RCC1: variants seen among roughly 807,000 people sequenced by gnomAD.
RCC1 encodes regulator of chromosome condensation.
A neutral mutation model predicts 44.4 loss-of-function variants in RCC1; 11 were observed. The ratio of observed to expected loss-of-function variants is 0.25; its 90% confidence interval spans 0.16 to 0.41. The LOEUF is 0.41. Among genes scored for constraint, RCC1 ranks in the 10% least tolerant of loss-of-function variants. The pLI is 1.00. For synonymous variants in RCC1, 213 were observed against 216.5 expected (o/e 0.98, Z 0.14); for missense variants, 386 against 547.1 (o/e 0.71, Z 2.94).
At chr1:28,518,309 G>A (rs1663023802) in intron 4 of RCC1, 1 of 152,376 alleles carries the variant, frequency 6.6e-6, no homozygotes, top group Non-Finnish European at 1.5e-5. Flanking sequence ...GTGCACCAAG[G>A]TAGGTCTCGC....
intron 2 of RCC1, 117 bp from the exon 3 acceptor site, chr1:28,508,713 C>G (rs1358591277): frequency 1.9e-6 from 1 of 518,832 alleles, no homozygotes; most frequent in East Asian, 5.4e-5. Context: ...TACAGCTTCC[C>G]AGAGTCCTGT....
At chr1:28,519,345 G>A (rs1663128802) in intron 4 of RCC1, among the ~76,000 whole-genome samples, 1 of 152,124 alleles carries the variant, frequency 6.6e-6, no homozygotes, top group South Asian at 2.1e-4. Flanking sequence ...CGGGGTGGAG[G>A]AGGCAGGGAA....
chr1:28,526,377 C>G (rs1663665681), intron 4 of RCC1: 1 of 417,172 alleles, frequency 2.4e-6, no homozygotes. Flanking sequence ...AAGACCAGGA[C>G]CTTCTAACAG....
At chr1:28,511,620 C>T (rs1156869997) in intron 3 of RCC1, among the ~76,000 whole-genome samples, 9 of 151,770 alleles carry the variant, frequency 5.9e-5, no homozygotes, top group Admixed American at 1.3e-4. Flanking sequence ...CCGCCCACCT[C>T]GGCCTCCCAA....
At chr1:28,511,272 A>G (rs1028011106) in intron 3 of RCC1, among the ~76,000 whole-genome samples, 2 of 152,192 alleles carry the variant, frequency 1.3e-5, no homozygotes, top group Non-Finnish European at 2.9e-5. Context: ...TAATAAGGAC[A>G]AAGGAGTTGG....
intron 7 of RCC1, chr1:28,532,833 G>C: frequency 2.4e-6 from 1 of 422,536 alleles, no homozygotes; most frequent in Non-Finnish European, 4.8e-6. Flanking sequence ...GTATTGTTTT[G>C]AGATGGAGTT....
At chr1:28,508,594 G>A (rs776675120) in intron 2 of RCC1, 6 of 518,540 alleles carry the variant, frequency 1.2e-5, no homozygotes, top group Non-Finnish European at 2.3e-5. Context: ...CTCTCCCCAG[G>A]CTCTGTCCAA....
intron 7 of RCC1, among the ~76,000 whole-genome samples, chr1:28,534,233 T>C (rs964182197): frequency 9.2e-5 from 14 of 151,818 alleles, no homozygotes; most frequent in Non-Finnish European, 2.9e-5. Context: ...CAGGCTGGAG[T>C]GCAGTGGCGC....
intron 1 of RCC1, 107 bp from the exon 2 acceptor site, chr1:28,508,021 C>T: frequency 2.8e-6 from 1 of 359,230 alleles, no homozygotes; most frequent in Non-Finnish European, 5.7e-6. Flanking sequence ...ATACTCAAAC[C>T]TATACTCCAG....
intron 1 of RCC1, 186 bp from the exon 2 acceptor site, chr1:28,507,942 C>T (rs1662150408): frequency 3.4e-6 from 1 of 297,980 alleles, no homozygotes; most frequent in Non-Finnish European, 6.7e-6. Flanking sequence ...GAAAAATTGG[C>T]TAAAAAGTAG....
intron 1 of RCC1, 113 bp downstream of exon 1, chr1:28,506,197 T>C (rs1020311040): frequency 2.5e-5 from 11 of 443,188 alleles, no homozygotes; most frequent in Non-Finnish European, 4.5e-5. Context: ...ATTTTATTTA[T>C]TTACTTTTTT....
At chr1:28,531,102 G>A (rs1262817553) in intron 5 of RCC1, among the ~76,000 whole-genome samples, 1 of 151,984 alleles carries the variant, frequency 6.6e-6, no homozygotes, top group African/African-American at 2.4e-5. Flanking sequence ...GGTGGCGCGC[G>A]CCTGTAGTCC....
At chr1:28,530,665 GCGGTGGCCACATCCT>G in intron 5 of RCC1, 1 of 1,478,074 alleles carries the variant, frequency 6.8e-7, no homozygotes, top group Non-Finnish European at 9.1e-7. Flanking sequence ...GGGCTCCTCA[GCGGTGGCCACATCCT>G]CGGGGGAGGG....
intron 3 of RCC1, 53 bp from the exon 4 acceptor site, chr1:28,516,672 G>A: frequency 3.2e-6 from 1 of 315,606 alleles, no homozygotes; most frequent in Non-Finnish European, 6.3e-6. Context: ...AAAATAAAGG[G>A]TCTTACAAAA....
intron 4 of RCC1, among the ~76,000 whole-genome samples, chr1:28,520,021 A>G (rs1302217426): frequency 3.3e-5 from 5 of 152,064 alleles, no homozygotes. Context: ...TATAATTTTC[A>G]TAAAGCAGTG....
chr1:28,527,201 A>C lies in RCC1; in HGVS notation c.-9-2657A>C, dbSNP rs1461144632. ...CTCACATGCCGGGCAACTGATGCTC[A>C]GAGTAACCTTCCCACAGCAGCCGCG... On this transcript the variant is annotated intron_variant, in intron 4 of 12. Coordinates refer to ENST00000683442, the MANE Select transcript of RCC1 (RefSeq NM_001381865.2). 1.1e-5 allele frequency: 11 copies of C among 985,906 alleles called. No individual in the cohort carries two copies. The African/African-American group carries it at 1.8e-4, about 16-fold the overall frequency. 61.1% of individuals were successfully genotyped at this position (985,906 alleles called of 1,614,324 possible).
At chr1:28,534,299 G>A (rs1664403876) in intron 7 of RCC1, among the ~76,000 whole-genome samples, 1 of 152,094 alleles carries the variant, frequency 6.6e-6, no homozygotes, top group Non-Finnish European at 1.5e-5. Context: ...TCCTGCCTCT[G>A]TCTCCCGAGT....
Position 28,536,930 on chromosome 1 carries a change from TG to T in RCC1, c.1090+34del. 6.2e-7 allele frequency: 1 copy of T among 1,612,218 alleles called. No individual in the cohort carries two copies. The highest frequency in any genetic ancestry group is 1.3e-5 in the African/African-American group (1 of 74,774). ...TGGGGCTGCCTACACTCTGTCTAGT[TG>T]GGACCTGGGGGTCATGGTTCTTACC... On this transcript the variant is annotated intron_variant, in intron 12 of 12. Coordinates refer to ENST00000683442, the MANE Select transcript of RCC1 (RefSeq NM_001381865.2). The surrounding 1 kb of genome is among the most constrained non-coding windows in gnomAD (Gnocchi z 4.9).
In RCC1 at chr1:28,538,541, A is replaced by C. The variant is rs1049707361; in HGVS notation, c.*534A>C. On this transcript the variant is annotated 3_prime_UTR_variant, in exon 13 of 13. Coordinates refer to ENST00000683442, the MANE Select transcript of RCC1 (RefSeq NM_001381865.2). ...ATGGCTGTGGGCAACTATAAGCCAAATATTTGGCTCAGAACAGGTGTCCAT... is the reference window on the plus strand; with the variant it reads ...ATGGCTGTGGGCAACTATAAGCCAACTATTTGGCTCAGAACAGGTGTCCAT... 1.3e-5 allele frequency: 2 copies of C among 152,368 alleles called. No homozygotes were observed. Among genetic ancestry groups the C allele is most frequent in the African/African-American group, 4.8e-5 (2 of 41,470 alleles). The allele number at this position is 152,368 out of a possible 1,614,324, so 9.4% of individuals were successfully genotyped here.
Sources: gnomAD v4.1 joint callset for allele counts (sites outside exome capture counted in the v4.1 genomes callset) on GRCh38, gnomAD v4.1.1 for gene constraint, Gnocchi (gnomAD v3.1) non-coding constraint, MANE v1.5 for transcripts, NCBI Gene and HGNC (gene_info 2026-07-23, HGNC 2026-07-21) for gene names.